The following FREM3 variants were observed in gnomAD, a reference collection of about 807,000 sequenced individuals.
FREM3 encodes FRAS1 related extracellular matrix 3.
Under a neutral mutation model 129.1 loss-of-function variants are expected in FREM3, and 105 were observed. The observed-to-expected ratio is 0.81, with a 90% CI of 0.69 to 0.96. FREM3 has a LOEUF of 0.96. Ranked by LOEUF, FREM3 falls within the 40% of genes least tolerant of loss-of-function variation. The pLI is 0.00. For missense variants in FREM3, 2,593 were observed against 2,666.3 expected, an observed-to-expected ratio of 0.97 and a Z score of 0.61; for synonymous variants, 1,014 against 1,044.9, an observed-to-expected ratio of 0.97 and a Z score of 0.57.
At position 143,684,383 on chromosome 4, in the gene FREM3, G is replaced by C. The variant is rs578139752; in HGVS notation, c.5275+8730C>G. ...GCCTAGAGCCTGGTAGACTTGCTGG[G>C]TGGCTAGATCCAGAAGGGAGAACAC... On this transcript the variant is annotated intron_variant, in intron 2 of 7. Transcript: ENST00000329798. 4.6e-5 allele frequency among the ~76,000 whole-genome samples: 7 copies of C among 152,286 alleles called. No individual in the cohort carries two copies. The East Asian group carries it at 1.4e-3, about 29-fold the overall frequency.
rs186448635 is a variant in FREM3 at position 143,670,464 on chromosome 4, C to T, written c.5275+22649G>A. 4.0e-3 allele frequency among the ~76,000 whole-genome samples: 610 copies of T among 152,098 alleles called. 2 individuals carry two copies. Among genetic ancestry groups the T allele is most frequent in the Non-Finnish European group, 6.2e-3 (422 of 67,962 alleles). On this transcript the variant is annotated intron_variant, in intron 2 of 7. Coordinates refer to ENST00000329798, the MANE Select transcript of FREM3 (RefSeq NM_001168235.2). Reference sequence around the variant, plus strand: ...GTACATGGAATTTAAGACTTCATCCCGAGGTTGAAGTTATATTTTAAATTT... The same window carrying T: ...GTACATGGAATTTAAGACTTCATCCTGAGGTTGAAGTTATATTTTAAATTT...
At chr4:143,693,238 G>A (rs2149863012) in intron 1 of FREM3, 36 bp from the exon 2 acceptor site, 1 of 1,103,418 alleles carries the variant, frequency 9.1e-7, no homozygotes, top group South Asian at 1.7e-5. Flanking sequence ...AAGTCATATT[G>A]GCACAAATGA....
chr4:143,595,875 G>A (rs13122127), intron 6 of FREM3, among the ~76,000 whole-genome samples: 46,186 of 130,482 alleles, frequency 0.35, 9,057 homozygotes, highest in Middle Eastern at 0.45. Context: ...GCGACAGAGC[G>A]AGACGCCATC....
intron 2 of FREM3, among the ~76,000 whole-genome samples, chr4:143,668,850 A>T (rs540589181): frequency 1.3e-5 from 2 of 152,238 alleles, no homozygotes; most frequent in Non-Finnish European, 2.9e-5. Context: ...TCATTCTCAT[A>T]CATGGAGACA....
intron 5 of FREM3, among the ~76,000 whole-genome samples, chr4:143,619,209 C>G (rs1300186075): frequency 6.6e-6 from 1 of 152,136 alleles, no homozygotes; most frequent in Non-Finnish European, 1.5e-5. Flanking sequence ...CATATGTGTC[C>G]TATGAATTAC....
At position 143,601,135 on chromosome 4, in the gene FREM3, C is replaced by T. The variant is rs190515146; in HGVS notation, c.6028+10144G>A. On this transcript the variant is annotated intron_variant, in intron 6 of 7. Coordinates refer to ENST00000329798, the MANE Select transcript of FREM3 (RefSeq NM_001168235.2). ...GCATAATGATACTATTTCTTCTGAA[C>T]AGTTTCCTGGGTTTTTACAGCATAG... is the stretch of plus-strand genomic sequence containing the variant. 3.5e-3 allele frequency among the ~76,000 whole-genome samples: 529 copies of T among 152,218 alleles called. 9 individuals are homozygous for T. The highest frequency in any genetic ancestry group is 0.01 in the Middle Eastern group (3 of 294).
At chr4:143,594,274 G>T (rs1432785210) in intron 6 of FREM3, among the ~76,000 whole-genome samples, 1 of 152,144 alleles carries the variant, frequency 6.6e-6, no homozygotes, top group Non-Finnish European at 1.5e-5. Context: ...AGATGAACCT[G>T]GTACCTCAGT....
rs189433625 is a variant in FREM3 at position 143,627,817 on chromosome 4, A to G, written c.5276-57T>C. 19 of 1,144,188 alleles carry G rather than the reference A, an allele frequency of 1.7e-5. 1 individual carries two copies. In the South Asian group the frequency reaches 2.4e-4, roughly 14 times the overall value. 70.9% of individuals were successfully genotyped at this position (1,144,188 alleles called of 1,614,324 possible). ...CTGGAGTATTTGATGGCAATATTCA[A>G]TGATCAATGTGTGCATTTTACTTCT... is the stretch of plus-strand genomic sequence containing the variant. On this transcript the variant is annotated intron_variant, in intron 2 of 7. Transcript: ENST00000329798.
At chr4:143,691,510 C>G (rs1431901343) in intron 2 of FREM3, among the ~76,000 whole-genome samples, 2 of 152,130 alleles carry the variant, frequency 1.3e-5, no homozygotes, top group Non-Finnish European at 2.9e-5. Context: ...TGTAAGATGA[C>G]AGATTTGCGT....
chr4:143,620,009 A>G (rs1738918057), intron 5 of FREM3, among the ~76,000 whole-genome samples: 1 of 152,214 alleles, frequency 6.6e-6, no homozygotes, highest in Admixed American at 6.5e-5. Context: ...GCCATACCAT[A>G]CATAAAAAGA....
At position 143,699,284 on chromosome 4, in the gene FREM3, G is replaced by T. The variant is rs368678340; in HGVS notation, c.1392C>A (p.Asn464Lys). 8 of 1,537,306 alleles carry T rather than the reference G, an allele frequency of 5.2e-6. No individual in the cohort carries two copies. Among genetic ancestry groups the T allele is most frequent in the Non-Finnish European group, 7.0e-6 (8 of 1,146,928 alleles). The change falls in exon 1 of 8, where the codon AAC (asparagine) becomes AAA (lysine). Residue 464 changes from asparagine (N) to lysine (K), a missense_variant. Asn to Lys is a moderately conservative substitution (Grantham distance 94). Transcript: ENST00000329798. This position sits in a 1 kb window ranked among gnomAD's most constrained non-coding sequence, Gnocchi z 4.2. ...THSIPISDKD[N>K]LEEVKMAAVR... is the part of the protein sequence containing the mutation. ...CTGCAGCCATTTTCACCTCTTCCAG[G>T]TTATCTTTATCACTGATAGGAATGC...
intron 2 of FREM3, among the ~76,000 whole-genome samples, chr4:143,652,669 G>A (rs539804622): frequency 6.6e-6 from 1 of 152,182 alleles, no homozygotes; most frequent in Non-Finnish European, 1.5e-5. Context: ...GTCTGGCTCT[G>A]TTGCTCAGGC....
chr4:143,699,917 C>T lies in FREM3; in HGVS notation c.759G>A (p.Gln253=), dbSNP rs1182482842. 1.5e-5 allele frequency: 23 copies of T among 1,535,776 alleles called. No individual in the cohort carries two copies. Among genetic ancestry groups the T allele is most frequent in the Non-Finnish European group, 1.8e-5 (21 of 1,146,442 alleles). The change falls in exon 1 of 8, where the codon CAG becomes CAA. Residue 253 remains glutamine, a synonymous_variant. Transcript: ENST00000329798. This position sits in a 1 kb window ranked among gnomAD's most constrained non-coding sequence, Gnocchi z 4.2. ...EAFLRAGVRY[Q]HTATSSPNRD... ...GGTTGGGCGAGGAGGTGGCTGTGTGCTGATAGCGCACCCCAGCACGGAGGA... is the reference window on the plus strand; with the variant it reads ...GGTTGGGCGAGGAGGTGGCTGTGTGTTGATAGCGCACCCCAGCACGGAGGA...
At chr4:143,639,395 G>C (rs543956128) in intron 2 of FREM3, among the ~76,000 whole-genome samples, 229 of 152,192 alleles carry the variant, frequency 1.5e-3, no homozygotes, top group African/African-American at 5.4e-3. Context: ...GCTAACTAAA[G>C]GTGTGGCCCT....
Position 143,698,651 on chromosome 4 carries a change from A to T in FREM3, c.2025T>A (p.His675Gln). The change falls in exon 1 of 8, where the codon CAT becomes CAA. Residue 675 changes from histidine (H) to glutamine (Q), a missense_variant. By Grantham distance (24) the His-to-Gln change is conservative. Coordinates refer to ENST00000329798, the MANE Select transcript of FREM3 (RefSeq NM_001168235.2). The part of the protein sequence containing the change: ...PQSVMVQLAF[H>Q]VQDDHDPPNL... ...TGGGTGGGTCATGGTCATCCTGCAC[A>T]TGGAAAGCCAGCTGGACCATTACAG... The T allele has an allele frequency of 6.5e-7, 1 of 1,537,792 alleles. No homozygotes were observed. The highest frequency in any genetic ancestry group is 1.2e-5 in the South Asian group (1 of 84,054).
intron 4 of FREM3, 64 bp downstream of exon 4, chr4:143,624,044 A>G: frequency 2.2e-6 from 2 of 902,388 alleles, no homozygotes; most frequent in South Asian, 2.9e-5. Context: ...GGGAAGTATG[A>G]ATGCTGGAAA....
In FREM3 at chr4:143,699,479, C is replaced by A. The variant is rs1427556325; in HGVS notation, c.1197G>T (p.Glu399Asp). 1 of 1,537,340 alleles carries A rather than the reference C, an allele frequency of 6.5e-7. No individual in the cohort carries two copies. Among genetic ancestry groups the A allele is most frequent in the Non-Finnish European group, 8.7e-7 (1 of 1,146,920 alleles). Residue 399 changes from glutamate to aspartate, a missense_variant, in exon 1 of 8, where the codon GAG (glutamate) becomes GAT (aspartate). Glu to Asp is a conservative substitution (Grantham distance 45, BLOSUM62 2). Coordinates refer to ENST00000329798, the MANE Select transcript of FREM3 (RefSeq NM_001168235.2). The surrounding 1 kb of genome is among the most constrained non-coding windows in gnomAD (Gnocchi z 4.2). The part of the protein sequence containing the change: ...YQPPAENSHG[E>D]RLFQLELEVV... Reference sequence around the variant, plus strand: ...CCTCCAGCTCCAGCTGAAAGAGGCGCTCCCCATGGGAGTTCTCTGCAGGGG... The same window carrying A: ...CCTCCAGCTCCAGCTGAAAGAGGCGATCCCCATGGGAGTTCTCTGCAGGGG...
In FREM3 at chr4:143,697,789, T is replaced by C. The variant is rs1212943294; in HGVS notation, c.2887A>G (p.Lys963Glu). 1 of 1,537,618 alleles carries C rather than the reference T, an allele frequency of 6.5e-7. No homozygotes were observed. The highest frequency in any genetic ancestry group is 8.7e-7 in the Non-Finnish European group (1 of 1,146,990). ...ACACCCATGGTAATTTCAGTGGCTT[T>C]ATTCTCTAGTACGTCTATAGAAACA... ...LDVSIDVLEN[K>E]ATEITMGVIH... The change falls in exon 1 of 8, where the codon AAA (lysine) becomes GAA (glutamate). Residue 963 changes from lysine to glutamate, a missense_variant. Lys to Glu is a moderately conservative substitution (Grantham distance 56). This residue lies in a region of FREM3 where 2,276 missense variants were observed against 2,267.2 expected (regional missense o/e 1.00). Coordinates refer to ENST00000329798, the MANE Select transcript of FREM3 (RefSeq NM_001168235.2).
Position 143,700,452 on chromosome 4 carries a change from C to T in FREM3, c.224G>A (p.Arg75His). The change falls in exon 1 of 8, where the codon CGT (arginine) becomes CAT (histidine). Residue 75 changes from arginine to histidine, a missense_variant. Physicochemically the swap from Arg to His is conservative, Grantham distance 29. Coordinates refer to ENST00000329798, the MANE Select transcript of FREM3 (RefSeq NM_001168235.2). ...ANPGLRVPLG[R>H]SLWLDPLRDL... ...CCGGAGCGGGTCGAGCCAAAGGGAA[C>T]GACCCAGGGGCACCCGGAGTCCAGG... 2.6e-6 allele frequency: 4 copies of T among 1,522,490 alleles called. No individual in the cohort carries two copies. Among genetic ancestry groups the T allele is most frequent in the East Asian group, 2.5e-5 (1 of 40,700 alleles). 94.3% of individuals were successfully genotyped at this position (1,522,490 alleles called of 1,614,324 possible). A position where few individuals can be genotyped will look rare whatever the true frequency, so the allele number is the denominator to read the frequency against.
Sources: allele counts gnomAD v4.1 joint callset (sites outside exome capture counted in the v4.1 genomes callset), GRCh38; gene constraint gnomAD v4.1.1; regional missense constraint gnomAD v4.1.1; non-coding constraint Gnocchi (gnomAD v3.1); transcripts MANE v1.5; gene names NCBI Gene and HGNC (gene_info 2026-07-23, HGNC 2026-07-21).